Variants in SPTBN1 observed in about 807,000 individuals in gnomAD.
SPTBN1 encodes spectrin beta, non-erythrocytic 1.
SPTBN1 carries 32 observed loss-of-function variants against 266.4 expected under a neutral mutation model. The observed-to-expected ratio is 0.12, with a 90% CI of 0.09 to 0.16. The LOEUF is 0.16. SPTBN1 is among the 10% of genes least tolerant of loss of function. The pLI, the probability that SPTBN1 is intolerant of heterozygous loss-of-function variation, is 1.00. For missense variants in SPTBN1, 2,296 were observed against 3,067.1 expected, an observed-to-expected ratio of 0.75 and a Z score of 5.94; for synonymous variants, 1,336 against 1,162.2, an observed-to-expected ratio of 1.15 and a Z score of -3.04.
chr2:54,659,905 C>G, intron 31 of SPTBN1, 31 bp from the exon 32 acceptor site: 1 of 1,608,052 alleles, frequency 6.2e-7, no homozygotes, highest in Non-Finnish European at 8.5e-7. Flanking sequence ...TTCTTCCTTT[C>G]CCTTCCTCCT....
chr2:54,548,152 A>G (rs2104421345), intron 2 of SPTBN1, among the ~76,000 whole-genome samples: 2 of 152,348 alleles, frequency 1.3e-5, no homozygotes, highest in South Asian at 4.1e-4. Context: ...CAGAATAAAT[A>G]AAATAATTCT....
In SPTBN1 at chr2:54,576,858, A is replaced by G. The variant is rs149546752; in HGVS notation, c.149-22234A>G. ...GAATACTAGGTAAGTGATCCCAAAC[A>G]TGCAAATATCATTCCTTGGTCCTGG... On this transcript the variant is annotated intron_variant, in intron 2 of 35. Coordinates refer to ENST00000356805, the MANE Select transcript of SPTBN1 (RefSeq NM_003128.3). Among the ~76,000 whole-genome samples the G allele has an allele frequency of 1.3e-3, 201 of 152,356 alleles. 4 individuals are homozygous for G. The South Asian group carries it at 0.037, about 28-fold the overall frequency.
At chr2:54,496,459 A>AAG (rs1573273838) in intron 1 of SPTBN1, among the ~76,000 whole-genome samples, 1 of 150,824 alleles carries the variant, frequency 6.6e-6, no homozygotes, top group Admixed American at 6.6e-5. Context: ...AAAAAAAAAA[A>AAG]GTATGAATAA....
At chr2:54,482,348 C>G (rs950244037) in intron 1 of SPTBN1, among the ~76,000 whole-genome samples, 4 of 138,824 alleles carry the variant, frequency 2.9e-5, no homozygotes, top group Non-Finnish European at 6.2e-5. Flanking sequence ...GACCTCATCT[C>G]TACAGCAGGA....
intron 2 of SPTBN1, among the ~76,000 whole-genome samples, chr2:54,576,424 G>T (rs1404680455): frequency 6.6e-6 from 1 of 152,082 alleles, no homozygotes; most frequent in Non-Finnish European, 1.5e-5. Flanking sequence ...TGTCAGGTAT[G>T]TGTAGGTCCA....
chr2:54,647,406 C>G, intron 24 of SPTBN1, 145 bp downstream of exon 24: 1 of 1,142,632 alleles, frequency 8.8e-7, no homozygotes, highest in Non-Finnish European at 1.2e-6. Flanking sequence ...TAAAACAGAC[C>G]CATCATTTAA....
rs530604344 is a variant in SPTBN1, at chr2:54,668,753, A to G, written c.*184A>G. 8.2e-4 allele frequency: 476 copies of G among 578,966 alleles called. 2 individuals carry two copies. In the African/African-American group the frequency reaches 8.5e-3, roughly 10 times the overall value. 35.9% of individuals were successfully genotyped at this position (578,966 alleles called of 1,614,324 possible). On this transcript the variant is annotated 3_prime_UTR_variant, in exon 36 of 36. Transcript: ENST00000356805. ...AACACACCTAAACACTTTATCTCCA[A>G]GTTACAAAAGTTTGAGGTGCAGAGG...
At chr2:54,522,700 A>AG (rs771142985) in intron 1 of SPTBN1, among the ~76,000 whole-genome samples, 104 of 136,160 alleles carry the variant, frequency 7.6e-4, no homozygotes, top group South Asian at 1.2e-3. Context: ...AGAGAGAGAG[A>AG]AAGAAAGAAA....
At chr2:54,538,037 G>A (rs1112919) in intron 2 of SPTBN1, among the ~76,000 whole-genome samples, 44,613 of 152,086 alleles carry the variant, frequency 0.29, 7,919 homozygotes, top group Admixed American at 0.36. Context: ...GAATGTTTAC[G>A]ACACATTTTC....
intron 2 of SPTBN1, among the ~76,000 whole-genome samples, chr2:54,563,927 G>A (rs1369574689): frequency 6.6e-6 from 1 of 152,098 alleles, no homozygotes; most frequent in East Asian, 1.9e-4. Context: ...GAAATAGATC[G>A]TTGGATTATT....
intron 1 of SPTBN1, among the ~76,000 whole-genome samples, chr2:54,514,863 G>A (rs899600682): frequency 6.6e-6 from 1 of 152,214 alleles, no homozygotes; most frequent in Non-Finnish European, 1.5e-5. Context: ...CTAACTTTGA[G>A]AGGGACTTAG....
chr2:54,472,354 T>C (rs1039148492), intron 1 of SPTBN1, among the ~76,000 whole-genome samples: 2 of 152,060 alleles, frequency 1.3e-5, no homozygotes, highest in Non-Finnish European at 2.9e-5. Context: ...AGTCCTATAT[T>C]TTATATGTTT....
chr2:54,654,371 T>TTG (rs1680509237), intron 27 of SPTBN1, among the ~76,000 whole-genome samples: 1 of 152,246 alleles, frequency 6.6e-6, no homozygotes, highest in Non-Finnish European at 1.5e-5. Context: ...TCTTTGGCTT[T>TTG]GTTTCATGCA....
In SPTBN1 at chr2:54,623,582, T is replaced by C; in HGVS notation, c.1168T>C (p.Ser390Pro). ...CATGCCCCGGGAGGGGAAGCTCATC[T>C]CTGACATCAACAAGGTAAAGTGGAT... ...VYMPREGKLI[S>P]DINKAWERLE... Residue 390 changes from serine to proline, a missense_variant, in exon 10 of 36, where the codon TCT (serine) becomes CCT (proline). Transcript: ENST00000356805. 1 of 1,613,978 alleles carries C rather than the reference T, an allele frequency of 6.2e-7. No homozygotes were observed. The highest frequency in any genetic ancestry group is 8.5e-7 in the Non-Finnish European group (1 of 1,179,922).
chr2:54,600,977 G>A (rs931500315), intron 3 of SPTBN1, among the ~76,000 whole-genome samples: 2 of 151,964 alleles, frequency 1.3e-5, no homozygotes, highest in African/African-American at 2.4e-5. Context: ...GCCCATTGCC[G>A]TTTTTTCTGA....
rs1370183237 is a variant in SPTBN1 at position 54,649,163 on chromosome 2, A to G, written c.5175A>G (p.Glu1725=). 8 of 1,610,384 alleles carry G rather than the reference A, an allele frequency of 5.0e-6. No homozygotes were observed. The highest frequency in any genetic ancestry group is 6.8e-6 in the Non-Finnish European group (8 of 1,177,596). ...GGGAGGTGGTCGCAGGGTCCCATGA[A>G]CTGGGACAGGACTATGAGCATGTCA... ...AEREVVAGSH[E]LGQDYEHVTM... Residue 1725 remains glutamate (E), a synonymous_variant, in exon 25 of 36, where the codon GAA becomes GAG. Transcript: ENST00000356805. The surrounding 1 kb of genome is among the most constrained non-coding windows in gnomAD (Gnocchi z 6.7).
intron 26 of SPTBN1, among the ~76,000 whole-genome samples, chr2:54,651,313 C>G (rs953740670): frequency 8.5e-5 from 13 of 152,148 alleles, no homozygotes; most frequent in African/African-American, 3.1e-4. Context: ...CTCGGAACAT[C>G]CAGGGTGGGA....
At chr2:54,617,577 T>C (rs1677687309) in intron 5 of SPTBN1, 31 bp from the exon 6 acceptor site, 1 of 1,609,552 alleles carries the variant, frequency 6.2e-7, no homozygotes, top group South Asian at 1.1e-5. Flanking sequence ...GGTAATTGTG[T>C]TGCTTTTCCC....
At position 54,631,281 on chromosome 2, in the gene SPTBN1, C is replaced by T. The variant is rs1200083306; in HGVS notation, c.3234C>T (p.Leu1078=). 2.8e-5 allele frequency: 46 copies of T among 1,614,086 alleles called. No individual in the cohort carries two copies. Among genetic ancestry groups the T allele is most frequent in the Non-Finnish European group, 3.9e-5 (46 of 1,180,024 alleles). The change falls in exon 16 of 36, where the codon CTC becomes CTT. Residue 1078 remains leucine, a synonymous_variant. Coordinates refer to ENST00000356805, the MANE Select transcript of SPTBN1 (RefSeq NM_003128.3). ...LRDLDDFQSW[L]SRTQTAIASE... ...ACTTGGACGACTTCCAGTCCTGGCT[C>T]TCTAGGACCCAGACAGCGATCGCCT...
Sources: gnomAD v4.1 joint callset for allele counts (sites outside exome capture counted in the v4.1 genomes callset) on GRCh38, gnomAD v4.1.1 for gene constraint, Gnocchi (gnomAD v3.1) non-coding constraint, MANE v1.5 for transcripts, NCBI Gene and HGNC (gene_info 2026-07-23, HGNC 2026-07-21) for gene names.